The following SUGP1 variants were observed in gnomAD, a reference collection of about 807,000 sequenced individuals.
The protein encoded by SUGP1 is SURP and G-patch domain containing 1, also known as SURP and G-patch domain-containing protein 1.
In SUGP1, 34 loss-of-function variants were observed where a neutral mutation model predicts 76.5. That is an observed-to-expected ratio of 0.44 (90% confidence interval 0.34 to 0.59). The LOEUF is 0.59. SUGP1 is among the 20% of genes least tolerant of loss of function. SUGP1 has a pLI of 0.01. For synonymous variants in SUGP1, 326 were observed against 326.2 expected (o/e 1.00, Z 0.01); for missense variants, 752 against 851.7 (o/e 0.88, Z 1.46).
In SUGP1 at chr19:19,303,570, CGT is replaced by C. The variant is rs2061290026; in HGVS notation, c.663-124_663-123del. The C allele has an allele frequency of 2.2e-6, 3 of 1,334,594 alleles. No homozygotes were observed. In the Admixed American group the frequency reaches 5.2e-5, roughly 23 times the overall value. 82.7% of individuals were successfully genotyped at this position (1,334,594 alleles called of 1,614,324 possible). A position where few individuals can be genotyped will look rare whatever the true frequency, so the allele number is the denominator to read the frequency against. ...GAGCAGGGACCCGAAAGCAAGTCTC[CGT>C]GCCACATGGGAGCCACTTGTCACTT... On this transcript the variant is annotated intron_variant, in intron 5 of 13. Coordinates refer to ENST00000247001, the MANE Select transcript of SUGP1 (RefSeq NM_172231.4).
intron 8 of SUGP1, 46 bp downstream of exon 8, chr19:19,296,940 AAAG>A (rs750956237): frequency 3.5e-6 from 5 of 1,445,098 alleles, no homozygotes; most frequent in South Asian, 1.4e-5. Context: ...ATGCTCAGTG[AAAG>A]AAGTCAGACC....
intron 1 of SUGP1, among the ~76,000 whole-genome samples, chr19:19,320,168 G>A (rs1417322141): frequency 6.6e-6 from 1 of 152,222 alleles, no homozygotes; most frequent in African/African-American, 2.4e-5. Flanking sequence ...CGCCGTATTG[G>A]GGAACGGAGG....
intron 2 of SUGP1, among the ~76,000 whole-genome samples, chr19:19,313,224 T>C (rs1018986517): frequency 2.6e-5 from 4 of 151,240 alleles, no homozygotes; most frequent in African/African-American, 7.3e-5. Flanking sequence ...TGAAACCCCG[T>C]CTCTACTAAA....
intron 8 of SUGP1, among the ~76,000 whole-genome samples, chr19:19,293,906 C>T (rs141780466): frequency 9.0e-4 from 137 of 152,226 alleles, no homozygotes; most frequent in African/African-American, 3.2e-3. Context: ...ACAAACAGAC[C>T]GGGTGCAGTA....
chr19:19,285,157 G>A (rs563000696), intron 8 of SUGP1, among the ~76,000 whole-genome samples: 77 of 151,966 alleles, frequency 5.1e-4, no homozygotes, highest in African/African-American at 1.8e-3. Context: ...GTGAGCTACC[G>A]TGCCCAGCCT....
At chr19:19,280,143 G>A (rs568303128) in intron 9 of SUGP1, 42 bp downstream of exon 9, 3 of 1,585,840 alleles carry the variant, frequency 1.9e-6, no homozygotes, top group South Asian at 2.2e-5. Context: ...ACACTCTATG[G>A]GCGCCGACCA....
Position 19,297,161 on chromosome 19 carries a change from G to C in SUGP1, c.1071C>G (p.Ser357=), listed in dbSNP as rs1383303866. The C allele has an allele frequency of 6.2e-7, 1 of 1,612,742 alleles. No individual in the cohort carries two copies. The highest frequency in any genetic ancestry group is 1.3e-5 in the African/African-American group (1 of 74,906). The change falls in exon 8 of 14, where the codon TCC becomes TCG. Residue 357 remains serine, a synonymous_variant. Coordinates refer to ENST00000247001, the MANE Select transcript of SUGP1 (RefSeq NM_172231.4). ...LPPATTCPAS[S]TPAPTIIPAP... ...CAGGGATGATAGTGGGCGCAGGCGTGGACGAGGCGGGGCAGGTGGTGGCTG... is the reference window on the plus strand; with the variant it reads ...CAGGGATGATAGTGGGCGCAGGCGTCGACGAGGCGGGGCAGGTGGTGGCTG...
intron 1 of SUGP1, among the ~76,000 whole-genome samples, chr19:19,318,401 T>TGA (rs2061411017): frequency 2.0e-5 from 3 of 152,192 alleles, no homozygotes; most frequent in Non-Finnish European, 4.4e-5. Flanking sequence ...ATTACAGGCG[T>TGA]GAGCCACCAC....
intron 8 of SUGP1, among the ~76,000 whole-genome samples, chr19:19,283,014 T>C (rs1001228385): frequency 2.0e-5 from 3 of 151,572 alleles, no homozygotes; most frequent in Admixed American, 6.6e-5. Context: ...GAGGTGGAGA[T>C]TGCAGTGAGC....
At position 19,294,737 on chromosome 19, in the gene SUGP1, C is replaced by T. The variant is rs925205390; in HGVS notation, c.1243+2252G>A. Among the ~76,000 whole-genome samples, 7 of 151,422 alleles carry T rather than the reference C, an allele frequency of 4.6e-5. No homozygotes were observed. The South Asian group carries it at 6.3e-4, about 14-fold the overall frequency. On this transcript the variant is annotated intron_variant, in intron 8 of 13. Coordinates refer to ENST00000247001, the MANE Select transcript of SUGP1 (RefSeq NM_172231.4). Reference sequence around the variant, plus strand: ...TGGATTACAGCAGGCACTGGGAGACCGCACAACTACCTGCCCCCTCCCTGG... The same window carrying T: ...TGGATTACAGCAGGCACTGGGAGACTGCACAACTACCTGCCCCCTCCCTGG...
chr19:19,277,032 G>A lies in SUGP1; in HGVS notation c.1826C>T (p.Pro609Leu), dbSNP rs754634640. 2.5e-6 allele frequency: 4 copies of A among 1,612,672 alleles called. No homozygotes were observed. The highest frequency in any genetic ancestry group is 3.3e-5 in the Admixed American group (2 of 59,974). Residue 609 changes from proline (P) to leucine (L), a missense_variant, in exon 13 of 14, where the codon CCG becomes CTG. Around this residue, in one of 2 missense-constraint regions of SUGP1, gnomAD observed 132 missense variants for 234.4 expected, o/e 0.56. Coordinates refer to ENST00000247001, the MANE Select transcript of SUGP1 (RefSeq NM_172231.4). The stretch of plus-strand genomic sequence containing the variant: ...GTCGTCCTCCTTGGAGAGCTCCGCC[G>A]GCCGGTCAATGCCGAAGCCAGCGCC... ...VDGAGFGIDR[P>L]AELSKEDDEY...
At chr19:19,278,529 G>T (rs2061071829) in intron 11 of SUGP1, among the ~76,000 whole-genome samples, 161 bp downstream of exon 11, 1 of 152,198 alleles carries the variant, frequency 6.6e-6, no homozygotes, top group Non-Finnish European at 1.5e-5. Context: ...TCCCTACACA[G>T]ACGGCGCCTG....
chr19:19,309,999 A>C (rs534461173), intron 3 of SUGP1, 98 bp downstream of exon 3: 2 of 814,958 alleles, frequency 2.5e-6, no homozygotes, highest in Non-Finnish European at 4.2e-6. Context: ...ATTACCGGTG[A>C]GCAGGAGTCT....
intron 2 of SUGP1, among the ~76,000 whole-genome samples, chr19:19,312,402 T>C (rs568032435): frequency 3.3e-5 from 5 of 152,302 alleles, no homozygotes; most frequent in Admixed American, 2.0e-4. Context: ...CATTTCCTAC[T>C]GTAGCACACC....
Position 19,303,827 on chromosome 19 carries a change from C to T in SUGP1, c.559G>A (p.Glu187Lys), listed in dbSNP as rs1175197843. 8 of 1,614,066 alleles carry T rather than the reference C, an allele frequency of 5.0e-6. No individual in the cohort carries two copies. Among genetic ancestry groups the T allele is most frequent in the Admixed American group, 3.3e-5 (2 of 60,002 alleles). ...AATTTCTCTATCACTTTCCGAGTCT[C>T]GGCTCCCTCTGGGGGTGAAACTTTA... ...EIKVSPPEGA[E>K]TRKVIEKLAR... Residue 187 changes from glutamate to lysine, a missense_variant, in exon 5 of 14, where the codon GAG (glutamate) becomes AAG (lysine). Physicochemically the swap from Glu to Lys is moderately conservative, Grantham distance 56. This residue lies in a region of SUGP1 where 620 missense variants were observed against 617.3 expected (regional missense o/e 1.00). Coordinates refer to ENST00000247001, the MANE Select transcript of SUGP1 (RefSeq NM_172231.4).
intron 8 of SUGP1, among the ~76,000 whole-genome samples, chr19:19,294,810 T>G (rs551211197): frequency 2.0e-4 from 30 of 149,412 alleles, no homozygotes; most frequent in Non-Finnish European, 3.7e-4. Flanking sequence ...AAAAAAAAAC[T>G]GATACTTTCT....
At chr19:19,301,744 A>G (rs1160767235) in intron 7 of SUGP1, 1 of 155,122 alleles carries the variant, frequency 6.4e-6, no homozygotes, top group Non-Finnish European at 1.4e-5. Context: ...GTACGACCGC[A>G]TGGCCGGGGA....
intron 6 of SUGP1, 82 bp from the exon 7 acceptor site, chr19:19,302,470 T>C: frequency 1.3e-6 from 2 of 1,555,988 alleles, no homozygotes; most frequent in South Asian, 2.4e-5. Context: ...GGGCAACAAG[T>C]GGGGTTTGTT....
intron 8 of SUGP1, among the ~76,000 whole-genome samples, chr19:19,294,088 G>C (rs2061206324): frequency 1.3e-5 from 2 of 152,130 alleles, no homozygotes; most frequent in South Asian, 2.1e-4. Context: ...TTGGGAGACT[G>C]GGGCAGGAGA....
Sources: allele counts gnomAD v4.1 joint callset (sites outside exome capture counted in the v4.1 genomes callset), GRCh38; gene constraint gnomAD v4.1.1; regional missense constraint gnomAD v4.1.1; transcripts MANE v1.5; gene names NCBI Gene and HGNC (gene_info 2026-07-23, HGNC 2026-07-21).